PLXNA1: variants seen among roughly 807,000 people sequenced by gnomAD.
The protein encoded by PLXNA1 is plexin-A1.
Under a neutral mutation model 191.7 loss-of-function variants are expected in PLXNA1, and 77 were observed. That is an observed-to-expected ratio of 0.40 (90% CI 0.33 to 0.49). The LOEUF (loss-of-function observed/expected upper bound fraction) is 0.49, where lower values mean the gene tolerates loss of function less well. Ranked by LOEUF, PLXNA1 falls within the 20% of genes least tolerant of loss-of-function variation. The probability of loss-of-function intolerance (pLI) is 0.63; values close to 1 mark genes in which losing one functional copy is unlikely to be tolerated. For synonymous variants in PLXNA1, 1,137 were observed against 1,156.4 expected (o/e 0.98, Z 0.34); for missense variants, 2,110 against 2,660.2 (o/e 0.79, Z 4.55).
intron 4 of PLXNA1, 145 bp from the exon 5 acceptor site, chr3:127,004,466 G>A: frequency 1.5e-6 from 1 of 668,954 alleles, no homozygotes; most frequent in Non-Finnish European, 2.7e-6. Flanking sequence ...GCCAGGGCAG[G>A]GTCACCAGAT....
intron 15 of PLXNA1, 104 bp from the exon 16 acceptor site, chr3:127,016,413 C>A: frequency 2.0e-6 from 2 of 988,948 alleles, no homozygotes; most frequent in Non-Finnish European, 3.1e-6. Flanking sequence ...CAAGGCAGTA[C>A]CTGTGACAGA....
chr3:127,022,871 G>T (rs2079158638), intron 23 of PLXNA1, 53 bp downstream of exon 23: 1 of 1,448,558 alleles, frequency 6.9e-7, no homozygotes, highest in Non-Finnish European at 9.7e-7. Flanking sequence ...CAGCGGGAGG[G>T]GAAAACGGAG....
At chr3:127,003,229 CAGCTCAGGGAGGGGCTT>C in intron 3 of PLXNA1, 84 bp from the exon 4 acceptor site, 1 of 1,323,916 alleles carries the variant, frequency 7.6e-7, no homozygotes, top group Non-Finnish European at 1.0e-6. Flanking sequence ...CATGTCTGGG[CAGCTCAGGGAGGGGCTT>C]TAGACCCCTG....
chr3:127,008,970 G>A (rs1374444320), intron 9 of PLXNA1, among the ~76,000 whole-genome samples: 1 of 152,182 alleles, frequency 6.6e-6, no homozygotes, highest in East Asian at 1.9e-4. Context: ...CAGGGACACA[G>A]TGGGGCGCTT....
chr3:127,010,181 C>T (rs1040216717), intron 9 of PLXNA1, among the ~76,000 whole-genome samples: 1 of 152,292 alleles, frequency 6.6e-6, no homozygotes, highest in Non-Finnish European at 1.5e-5. Context: ...AGGTTGTAAT[C>T]GGAGCCTTTG....
At chr3:127,003,737 C>A (rs2079052466) in intron 4 of PLXNA1, among the ~76,000 whole-genome samples, 1 of 152,222 alleles carries the variant, frequency 6.6e-6, no homozygotes, top group Non-Finnish European at 1.5e-5. Context: ...GCATTCCCAC[C>A]CCTCCCCTGT....
intron 3 of PLXNA1, among the ~76,000 whole-genome samples, chr3:126,996,352 C>T (rs2079015027): frequency 6.6e-6 from 1 of 152,162 alleles, no homozygotes; most frequent in Admixed American, 6.5e-5. Flanking sequence ...AAGCTTTCAG[C>T]ATGCTTTAGA....
intron 1 of PLXNA1, among the ~76,000 whole-genome samples, chr3:126,987,875 C>T (rs770278437): frequency 4.6e-5 from 7 of 152,094 alleles, no homozygotes; most frequent in Non-Finnish European, 7.4e-5. Flanking sequence ...GGGGTCCCAC[C>T]GAGAGCAGCC....
Position 127,028,306 on chromosome 3 carries a change from C to T in PLXNA1, c.4635C>T (p.Tyr1545=). 2 of 1,612,462 alleles carry T rather than the reference C, an allele frequency of 1.2e-6. No homozygotes were observed. The highest frequency in any genetic ancestry group is 1.7e-6 in the Non-Finnish European group (2 of 1,179,938). Residue 1545 remains tyrosine, a synonymous_variant, in exon 25 of 32, where the codon TAC becomes TAT. Transcript: ENST00000393409. The stretch of plus-strand genomic sequence containing the variant: ...ACGCTGCCTACAAGGGCGTGCCCTA[C>T]TCCCAGCGGCCCAAGGCCGCGGACA... The part of the protein sequence containing the change: ...LLDAAYKGVP[Y]SQRPKAADMD...
chr3:126,984,517 C>G (rs550318226), intron 1 of PLXNA1, among the ~76,000 whole-genome samples: 1 of 152,188 alleles, frequency 6.6e-6, no homozygotes, highest in Non-Finnish European at 1.5e-5. Flanking sequence ...AGGTGCTGCA[C>G]CAGGGGCACC....
rs1466929260 is a variant in PLXNA1, at chr3:127,020,200, A to G, written c.3896-2A>G. 1.2e-6 allele frequency: 2 copies of G among 1,612,510 alleles called. No homozygotes were observed. The highest frequency in any genetic ancestry group is 8.5e-7 in the Non-Finnish European group (1 of 1,179,870). On this transcript the variant is annotated splice_acceptor_variant, in intron 20 of 31. Transcript: ENST00000393409. LOFTEE classifies it high-confidence loss of function. ...TGCCCCTGACGCCGCATCTGGCCACAGCCTTTGCAGAGCTGCAGACAGACA... is the reference window on the plus strand; with the variant it reads ...TGCCCCTGACGCCGCATCTGGCCACGGCCTTTGCAGAGCTGCAGACAGACA...
rs761839227 is a variant in PLXNA1, at chr3:127,004,994, A to G, written c.1729A>G (p.Met577Val). 11 of 1,609,068 alleles carry G rather than the reference A, an allele frequency of 6.8e-6. 1 individual carries two copies. The Admixed American group carries it at 1.0e-4, about 15-fold the overall frequency. The change falls in exon 6 of 32, where the codon ATG (methionine) becomes GTG (valine). Residue 577 changes from methionine (M) to valine (V), a missense_variant. Met to Val is a conservative substitution (Grantham distance 21). This residue lies in a region of PLXNA1 where 903 missense variants were observed against 1,015.7 expected (regional missense o/e 0.89). Coordinates refer to ENST00000393409, the MANE Select transcript of PLXNA1 (RefSeq NM_032242.4). ...TVQPRNVSVT[M>V]SQVPLVLQAW... is the part of the protein sequence containing the mutation. Reference sequence around the variant, plus strand: ...GCAGCCCCGCAATGTGTCTGTCACCATGTCCCAGGTCCCAGTAAGTGTGGC... The same window carrying G: ...GCAGCCCCGCAATGTGTCTGTCACCGTGTCCCAGGTCCCAGTAAGTGTGGC...
chr3:126,988,815 G>A lies in PLXNA1; in HGVS notation c.222G>A (p.Leu74=), dbSNP rs1401856418. 1.9e-6 allele frequency: 3 copies of A among 1,613,270 alleles called. No homozygotes were observed. Among genetic ancestry groups the A allele is most frequent in the Non-Finnish European group, 2.5e-6 (3 of 1,179,892 alleles). Reference sequence around the variant, plus strand: ...GCGCAGTGAACCGCATCTATAAGCTGTCGGGGAACCTGACACTGCTGCGGG... The same window carrying A: ...GCGCAGTGAACCGCATCTATAAGCTATCGGGGAACCTGACACTGCTGCGGG... ...YVGAVNRIYK[L]SGNLTLLRAH... is the part of the protein sequence containing the mutation. The change falls in exon 2 of 32, where the codon CTG becomes CTA. Residue 74 remains leucine (L), a synonymous_variant. Transcript: ENST00000393409.
chr3:127,022,442 A>T (rs1442105131), intron 22 of PLXNA1, 101 bp downstream of exon 22: 2 of 1,456,830 alleles, frequency 1.4e-6, no homozygotes, highest in African/African-American at 1.4e-5. Context: ...GGCAGTTCCC[A>T]CCGGGCAGGG....
intron 3 of PLXNA1, among the ~76,000 whole-genome samples, chr3:126,999,276 G>C (rs1156803251): frequency 6.6e-6 from 1 of 152,216 alleles, no homozygotes; most frequent in Non-Finnish European, 1.5e-5. Flanking sequence ...GAAAGGCTGA[G>C]AAGTGTGTGA....
chr3:126,990,447 G>A (rs573946913), intron 2 of PLXNA1, among the ~76,000 whole-genome samples: 145 of 152,310 alleles, frequency 9.5e-4, no homozygotes, highest in African/African-American at 3.4e-3. Context: ...CCTCTATCTC[G>A]CTGCCTTTCA....
Position 127,029,007 on chromosome 3 carries a change from C to T in PLXNA1, c.4684C>T (p.Arg1562Cys), listed in dbSNP as rs758463486. The change falls in exon 26 of 32, where the codon CGC becomes TGC. Residue 1562 changes from arginine to cysteine, a missense_variant. This residue lies in a region of PLXNA1 where 559 missense variants were observed against 911.5 expected (regional missense o/e 0.61). Coordinates refer to ENST00000393409, the MANE Select transcript of PLXNA1 (RefSeq NM_032242.4). ...TCCTCCCCCAGAGTGGCGCCAGGGC[C>T]GCATGGCGCGCATCATCCTGCAGGA... is the stretch of plus-strand genomic sequence containing the variant. ...ADMDLEWRQG[R>C]MARIILQDED... 7.4e-6 allele frequency: 12 copies of T among 1,612,786 alleles called. No individual in the cohort carries two copies. The Admixed American group carries it at 1.0e-4, about 13-fold the overall frequency.
At chr3:126,984,419 T>A (rs928025696) in intron 1 of PLXNA1, among the ~76,000 whole-genome samples, 4 of 152,210 alleles carry the variant, frequency 2.6e-5, no homozygotes, top group Admixed American at 6.5e-5. Context: ...GGTGCAGGGA[T>A]GGGGCGCAGT....
intron 31 of PLXNA1, among the ~76,000 whole-genome samples, chr3:127,033,593 G>C (rs2079223474): frequency 6.6e-6 from 1 of 152,298 alleles, no homozygotes; most frequent in Admixed American, 6.5e-5. Context: ...ACCAGGGAAA[G>C]GGGAGCTGAG....
Sources: gnomAD v4.1 joint callset for allele counts (sites outside exome capture counted in the v4.1 genomes callset) on GRCh38, gnomAD v4.1.1 for gene constraint, gnomAD v4.1.1 regional missense constraint, MANE v1.5 for transcripts, NCBI Gene and HGNC (gene_info 2026-07-23, HGNC 2026-07-21) for gene names.